Variants in SDR42E1 observed in about 807,000 individuals in gnomAD.
SDR42E1 encodes the protein short-chain dehydrogenase/reductase family 42E member 1.
Under a neutral mutation model 2.6 loss-of-function variants are expected in SDR42E1, and 5 were observed. That is an observed-to-expected ratio of 1.94 (90% CI 1.01 to 4.08). SDR42E1 has a LOEUF of 4.08. Among genes scored for constraint, SDR42E1 ranks in the 30% most tolerant of loss-of-function variants. The probability of loss-of-function intolerance (pLI) is 0.00; values close to 1 mark genes in which losing one functional copy is unlikely to be tolerated. For missense variants in SDR42E1, 596 were observed against 478.6 expected, an observed-to-expected ratio of 1.25 and a Z score of -2.29; for synonymous variants, 231 against 188.3, an observed-to-expected ratio of 1.23 and a Z score of -1.86.
chr16:82,006,735 A>G (rs948758152), intron 1 of SDR42E1, among the ~76,000 whole-genome samples: 1 of 152,228 alleles, frequency 6.6e-6, no homozygotes, highest in Non-Finnish European at 1.5e-5. Context: ...TGGAGGTTGC[A>G]GTGAGTGCAG....
Position 81,990,632 on chromosome 16 carries a change from G to A in SDR42E1, c.*8479C>T, listed in dbSNP as rs889360442. ...ATTAAATCCATACAAGTTCCCCCAA[G>A]AGATAAGCAGGGAATGTTTTATCTC... On this transcript the variant is annotated 3_prime_UTR_variant, in exon 3 of 3. Coordinates refer to ENST00000328945, the MANE Select transcript of SDR42E1 (RefSeq NM_145168.3). 6.6e-6 allele frequency: 1 copy of A among 152,192 alleles called. No individual in the cohort carries two copies. Among genetic ancestry groups the A allele is most frequent in the African/African-American group, 2.4e-5 (1 of 41,436 alleles). The allele number at this position is 152,192 out of a possible 1,614,324, so 9.4% of individuals were successfully genotyped here.
At position 81,999,515 on chromosome 16, in the gene SDR42E1, C is replaced by T. The variant is rs201104940; in HGVS notation, c.778G>A (p.Val260Met). ...GGCCGGAAGAACTCAAAGTTGTTCACGGGTCTGCCATCTGAGATGAAGTAG... is the reference window on the plus strand; with the variant it reads ...GGCCGGAAGAACTCAAAGTTGTTCATGGGTCTGCCATCTGAGATGAAGTAG... ...QPYFISDGRP[V>M]NNFEFFRPLV... The change falls in exon 3 of 3, where the codon GTG becomes ATG. Residue 260 changes from valine (V) to methionine (M), a missense_variant. Val to Met is a conservative substitution (Grantham distance 21). Coordinates refer to ENST00000328945, the MANE Select transcript of SDR42E1 (RefSeq NM_145168.3). The T allele has an allele frequency of 1.3e-5, 21 of 1,614,152 alleles. No homozygotes were observed. The highest frequency in any genetic ancestry group is 5.0e-5 in the Admixed American group (3 of 60,022).
intron 2 of SDR42E1, among the ~76,000 whole-genome samples, chr16:82,000,589 T>G (rs1210825909): frequency 6.6e-6 from 1 of 152,242 alleles, no homozygotes; most frequent in Non-Finnish European, 1.5e-5. Context: ...CCCCTCCCAA[T>G]TTAATGGCTT....
Position 81,991,201 on chromosome 16 carries a change from T to C in SDR42E1, c.*7910A>G, listed in dbSNP as rs1268630361. The C allele has an allele frequency of 6.6e-6, 1 of 152,164 alleles. No homozygotes were observed. The highest frequency in any genetic ancestry group is 1.9e-4 in the East Asian group (1 of 5,198). 9.4% of individuals were successfully genotyped at this position (152,164 alleles called of 1,614,324 possible). A position where few individuals can be genotyped will look rare whatever the true frequency, so the allele number is the denominator to read the frequency against. On this transcript the variant is annotated 3_prime_UTR_variant, in exon 3 of 3. Coordinates refer to ENST00000328945, the MANE Select transcript of SDR42E1 (RefSeq NM_145168.3). Reference sequence around the variant, plus strand: ...CCTCACAAAATACATGGAATTCCAGTAGATTAACAGCACCCCCCGCCCACA... The same window carrying C: ...CCTCACAAAATACATGGAATTCCAGCAGATTAACAGCACCCCCCGCCCACA...
chr16:81,993,402 T>A lies in SDR42E1; in HGVS notation c.*5709A>T, dbSNP rs1427121999. 2.6e-5 allele frequency: 4 copies of A among 152,208 alleles called. No homozygotes were observed. Among genetic ancestry groups the A allele is most frequent in the African/African-American group, 9.7e-5 (4 of 41,444 alleles). The allele number at this position is 152,208 out of a possible 1,614,324, so 9.4% of individuals were successfully genotyped here. A position where few individuals can be genotyped will look rare whatever the true frequency, so the allele number is the denominator to read the frequency against. ...ATCAGGGAAGAGTCTGGAGTCTGTA[T>A]ATCGAGGTAAAATAGATGTAAGGAG... On this transcript the variant is annotated 3_prime_UTR_variant, in exon 3 of 3. Transcript: ENST00000328945.
intron 1 of SDR42E1, among the ~76,000 whole-genome samples, chr16:82,002,042 G>T (rs182416799): frequency 9.0e-4 from 137 of 151,756 alleles, no homozygotes; most frequent in African/African-American, 3.0e-3. Context: ...GGTTAGGCAT[G>T]AAGACTGCAA....
rs572346288 is a variant in SDR42E1 at position 81,995,014 on chromosome 16, T to A, written c.*4097A>T. 1 of 152,350 alleles carries A rather than the reference T, an allele frequency of 6.6e-6. No homozygotes were observed. The highest frequency in any genetic ancestry group is 2.4e-5 in the African/African-American group (1 of 41,564). 9.4% of individuals were successfully genotyped at this position (152,350 alleles called of 1,614,324 possible). On this transcript the variant is annotated 3_prime_UTR_variant, in exon 3 of 3. Transcript: ENST00000328945. Reference sequence around the variant, plus strand: ...TGTAATGTGGCACTGTCTGCCCCTGTCACCAGAAACGGCACTGAGGACATC... The same window carrying A: ...TGTAATGTGGCACTGTCTGCCCCTGACACCAGAAACGGCACTGAGGACATC...
chr16:82,009,707 G>A (rs147242606), intron 1 of SDR42E1, among the ~76,000 whole-genome samples: 1 of 152,196 alleles, frequency 6.6e-6, no homozygotes, highest in East Asian at 1.9e-4. Flanking sequence ...TTTGGAGTGT[G>A]GACTTTTGAG....
At chr16:82,011,247 A>G (rs1470013380) in intron 1 of SDR42E1, 140 bp downstream of exon 1, 1 of 151,776 alleles carries the variant, frequency 6.6e-6, no homozygotes, top group African/African-American at 2.4e-5. Flanking sequence ...GAAAGGGGAT[A>G]CTCCTTCCCG....
intron 1 of SDR42E1, among the ~76,000 whole-genome samples, chr16:82,010,812 T>G (rs573192311): frequency 6.6e-6 from 1 of 152,352 alleles, no homozygotes; most frequent in African/African-American, 2.4e-5. Context: ...CATGGGTACA[T>G]GTCTTCAACC....
chr16:81,999,310 T>C lies in SDR42E1; in HGVS notation c.983A>G (p.Glu328Gly). 6.2e-7 allele frequency: 1 copy of C among 1,614,258 alleles called. No homozygotes were observed. Among genetic ancestry groups the C allele is most frequent in the Non-Finnish European group, 8.5e-7 (1 of 1,180,050 alleles). ...KTGVTHYFSL[E>G]KAKKELGYKA... ...ATAACCTAGCTCTTTCTTGGCTTTC[T>C]CTAAGCTAAAATAATGTGTGACACC... The change falls in exon 3 of 3, where the codon GAG becomes GGG. Residue 328 changes from glutamate to glycine, a missense_variant. Coordinates refer to ENST00000328945, the MANE Select transcript of SDR42E1 (RefSeq NM_145168.3).
In SDR42E1 at chr16:81,999,193, A is replaced by G; in HGVS notation, c.1100T>C (p.Phe367Ser). 1 of 1,614,172 alleles carries G rather than the reference A, an allele frequency of 6.2e-7. No individual in the cohort carries two copies. Among genetic ancestry groups the G allele is most frequent in the Non-Finnish European group, 8.5e-7 (1 of 1,180,026 alleles). Residue 367 changes from phenylalanine (F) to serine (S), a missense_variant, in exon 3 of 3, where the codon TTT becomes TCT. Physicochemically the swap from Phe to Ser is radical, Grantham distance 155. Transcript: ENST00000328945. Reference protein sequence around the residue: ...RSSGSRDSECFVWDGLLVFLL... With the variant: ...RSSGSRDSECSVWDGLLVFLL... ...GAAGACCAATAGCCCATCCCAAACA[A>G]AACACTCCGAGTCACGACTTCCAGA...
Position 81,989,004 on chromosome 16 carries a change from G to A in SDR42E1, c.*10107C>T, listed in dbSNP as rs1912368508. The A allele has an allele frequency of 6.6e-6, 1 of 151,998 alleles. No individual in the cohort carries two copies. The highest frequency in any genetic ancestry group is 2.4e-5 in the African/African-American group (1 of 41,370). The allele number at this position is 151,998 out of a possible 1,614,324, so 9.4% of individuals were successfully genotyped here. A position where few individuals can be genotyped will look rare whatever the true frequency, so the allele number is the denominator to read the frequency against. On this transcript the variant is annotated 3_prime_UTR_variant, in exon 3 of 3. Transcript: ENST00000328945. ...GTTCACAATAACTTCTAATACATCT[G>A]TTATGAAAAATGCTTAATTCTTCAT...
At chr16:82,009,806 CA>C (rs1251492072) in intron 1 of SDR42E1, among the ~76,000 whole-genome samples, 6 of 152,104 alleles carry the variant, frequency 3.9e-5, no homozygotes, top group African/African-American at 7.2e-5. Flanking sequence ...TGGGAGGGGC[CA>C]GGGGCGGAAT....
At position 81,992,050 on chromosome 16, in the gene SDR42E1, G is replaced by A. The variant is rs1220694839; in HGVS notation, c.*7061C>T. The A allele has an allele frequency of 6.6e-6, 1 of 152,180 alleles. No individual in the cohort carries two copies. The highest frequency in any genetic ancestry group is 1.5e-5 in the Non-Finnish European group (1 of 68,092). The allele number at this position is 152,180 out of a possible 1,614,324, so 9.4% of individuals were successfully genotyped here. ...GGGCGCCTGTAATCCTATTGACTCAGGAGGCTGAGGCAGAAGAATCGCTTG... is the reference window on the plus strand; with the variant it reads ...GGGCGCCTGTAATCCTATTGACTCAAGAGGCTGAGGCAGAAGAATCGCTTG... On this transcript the variant is annotated 3_prime_UTR_variant, in exon 3 of 3. Coordinates refer to ENST00000328945, the MANE Select transcript of SDR42E1 (RefSeq NM_145168.3).
At chr16:82,001,957 C>T (rs1035036540) in intron 1 of SDR42E1, among the ~76,000 whole-genome samples, 3 of 141,746 alleles carry the variant, frequency 2.1e-5, no homozygotes, top group Non-Finnish European at 4.5e-5. Flanking sequence ...GCACTGGGTG[C>T]GTATACACAC....
In SDR42E1 at chr16:81,992,518, A is replaced by G. The variant is rs981733894; in HGVS notation, c.*6593T>C. On this transcript the variant is annotated 3_prime_UTR_variant, in exon 3 of 3. Coordinates refer to ENST00000328945, the MANE Select transcript of SDR42E1 (RefSeq NM_145168.3). ...TATATACATATGTTAAAATATATAT[A>G]TGGGTAAGACAGTATTTTACTCTTG... is the stretch of plus-strand genomic sequence containing the variant. 1.3e-5 allele frequency: 2 copies of G among 151,674 alleles called. No homozygotes were observed. The highest frequency in any genetic ancestry group is 3.0e-5 in the Non-Finnish European group (2 of 67,706). 9.4% of individuals were successfully genotyped at this position (151,674 alleles called of 1,614,324 possible). A position where few individuals can be genotyped will look rare whatever the true frequency, so the allele number is the denominator to read the frequency against.
chr16:82,008,207 G>C (rs760906632), intron 1 of SDR42E1, among the ~76,000 whole-genome samples: 26 of 152,210 alleles, frequency 1.7e-4, no homozygotes, highest in Non-Finnish European at 3.4e-4. Flanking sequence ...GGAACTGTGA[G>C]TCCATTAAAC....
chr16:81,992,778 G>A lies in SDR42E1; in HGVS notation c.*6333C>T, dbSNP rs991263306. The A allele has an allele frequency of 1.3e-5, 2 of 151,710 alleles. No individual in the cohort carries two copies. The highest frequency in any genetic ancestry group is 4.8e-5 in the African/African-American group (2 of 41,290). The allele number at this position is 151,710 out of a possible 1,614,324, so 9.4% of individuals were successfully genotyped here. ...TTTGTAGTGAACTAGATTTGGCCTC[G>A]GTCATAATTACTTGAGTTCAATGAA... On this transcript the variant is annotated 3_prime_UTR_variant, in exon 3 of 3. Coordinates refer to ENST00000328945, the MANE Select transcript of SDR42E1 (RefSeq NM_145168.3).
Sources: gnomAD v4.1 joint callset for allele counts (sites outside exome capture counted in the v4.1 genomes callset) on GRCh38, gnomAD v4.1.1 for gene constraint, MANE v1.5 for transcripts, NCBI Gene and HGNC (gene_info 2026-07-23, HGNC 2026-07-21) for gene names.